The following ATP9B variants were observed in gnomAD, a reference collection of about 807,000 sequenced individuals.
The protein encoded by ATP9B is probable phospholipid-transporting ATPase IIB.
Under a neutral mutation model 146.1 loss-of-function variants are expected in ATP9B, and 110 were observed. The ratio of observed to expected loss-of-function variants is 0.75; its 90% CI spans 0.65 to 0.88. The LOEUF (loss-of-function observed/expected upper bound fraction) is 0.88, where lower values mean the gene tolerates loss of function less well. Among genes scored for constraint, ATP9B ranks in the 40% least tolerant of loss-of-function variants. ATP9B has a pLI of 0.00. For missense variants in ATP9B, 1,499 were observed against 1,496.4 expected (o/e 1.00, Z -0.03); for synonymous variants, 604 against 569.7 (o/e 1.06, Z -0.86).
chr18:79,285,522 T>G (rs1267074176), intron 13 of ATP9B, among the ~76,000 whole-genome samples: 3 of 152,164 alleles, frequency 2.0e-5, no homozygotes, highest in African/African-American at 7.2e-5. Context: ...TATTAGCCCT[T>G]TGTCAGATGA....
rs557392991 is a variant in ATP9B, at chr18:79,374,271, C to T, written c.3274+170C>T. ...CACCACGGATGAAGGCGCTGAGCCC[C>T]GTCGGTCACTGGCTGGCCGGTCCCC... On this transcript the variant is annotated intron_variant, in intron 28 of 29. Transcript: ENST00000426216. The T allele has an allele frequency of 2.9e-4, 215 of 747,448 alleles. 1 individual carries two copies. The highest frequency in any genetic ancestry group is 7.7e-4 in the Middle Eastern group (2 of 2,586). The allele number at this position is 747,448 out of a possible 1,614,324, so 46.3% of individuals were successfully genotyped here.
chr18:79,181,933 T>C (rs905280434), intron 8 of ATP9B, among the ~76,000 whole-genome samples: 7 of 152,198 alleles, frequency 4.6e-5, no homozygotes, highest in African/African-American at 1.2e-4. Flanking sequence ...GGCCCATACT[T>C]TCCTGCTTCT....
At chr18:79,332,253 C>T (rs1251208357) in intron 17 of ATP9B, among the ~76,000 whole-genome samples, 2 of 151,842 alleles carry the variant, frequency 1.3e-5, no homozygotes, top group East Asian at 1.9e-4. Flanking sequence ...CACGGTGAAA[C>T]CCCATCTCTA....
At chr18:79,176,954 T>A in intron 8 of ATP9B, 47 bp downstream of exon 8, 1 of 1,498,568 alleles carries the variant, frequency 6.7e-7, no homozygotes, top group Non-Finnish European at 9.2e-7. Flanking sequence ...CAATGGTAGT[T>A]TCTAGGCTTC....
intron 13 of ATP9B, among the ~76,000 whole-genome samples, chr18:79,302,875 T>G (rs1225150163): frequency 6.6e-6 from 1 of 152,216 alleles, no homozygotes; most frequent in Non-Finnish European, 1.5e-5. Context: ...TTTTAAAAAA[T>G]TAATGGACAC....
intron 2 of ATP9B, among the ~76,000 whole-genome samples, chr18:79,100,334 T>C (rs1380176284): frequency 6.6e-6 from 1 of 152,238 alleles, no homozygotes; most frequent in Middle Eastern, 3.2e-3. Context: ...TTTGCTTGTT[T>C]GTCAGTTACT....
At chr18:79,260,915 T>G (rs774882260) in intron 12 of ATP9B, among the ~76,000 whole-genome samples, 10 of 152,238 alleles carry the variant, frequency 6.6e-5, no homozygotes, top group Non-Finnish European at 1.3e-4. Context: ...TCCTTCCAGT[T>G]TCTCCCATTT....
At chr18:79,377,157 C>T (rs1165527379) in intron 29 of ATP9B, 90 bp from the exon 30 acceptor site, 2 of 1,494,076 alleles carry the variant, frequency 1.3e-6, no homozygotes, top group Admixed American at 3.4e-5. Flanking sequence ...CTTAGACCGT[C>T]TGGTGGCCTG....
At chr18:79,327,659 TTTAGCGTGCTCTCCGTGG>T (rs1555849992) in intron 15 of ATP9B, among the ~76,000 whole-genome samples, 4 of 106,004 alleles carry the variant, frequency 3.8e-5, no homozygotes, top group African/African-American at 1.5e-4. Flanking sequence ...GCTCTCCGTG[TTTAGCGTGCTCTCCGTGG>T]TTAGCGTGCT....
rs116591997 is a variant in ATP9B at position 79,276,493 on chromosome 18, T to C, written c.1269-561T>C. 6.5e-3 allele frequency among the ~76,000 whole-genome samples: 996 copies of C among 152,364 alleles called. 4 individuals are homozygous for C. Among genetic ancestry groups the C allele is most frequent in the African/African-American group, 0.022 (931 of 41,584 alleles). On this transcript the variant is annotated intron_variant, in intron 12 of 29. Transcript: ENST00000426216. ...CTCCTGAAACACGGGAAATATCCCATTGGTCATGGTAAAACAAGTGGATAA... is the reference window on the plus strand; with the variant it reads ...CTCCTGAAACACGGGAAATATCCCACTGGTCATGGTAAAACAAGTGGATAA...
chr18:79,202,064 T>C (rs1444060419), intron 9 of ATP9B, among the ~76,000 whole-genome samples: 3 of 151,996 alleles, frequency 2.0e-5, no homozygotes, highest in Non-Finnish European at 4.4e-5. Context: ...TCCTAAAATA[T>C]ATATATATAC....
intron 7 of ATP9B, chr18:79,173,668 G>C: frequency 2.2e-6 from 1 of 455,038 alleles, no homozygotes; most frequent in South Asian, 1.6e-5. Context: ...TCTTTATTTT[G>C]TTCCATTGAT....
chr18:79,096,696 TATAAG>T, intron 2 of ATP9B, 47 bp downstream of exon 2: 1 of 1,473,116 alleles, frequency 6.8e-7, no homozygotes, highest in Non-Finnish European at 9.2e-7. Flanking sequence ...TAAGGTTACT[TATAAG>T]GTTAGCTTCT....
At chr18:79,282,258 AAGCTAAGTTG>A (rs1489775386) in intron 13 of ATP9B, among the ~76,000 whole-genome samples, 1 of 152,352 alleles carries the variant, frequency 6.6e-6, no homozygotes, top group East Asian at 1.9e-4. Context: ...AAGATTCCAT[AAGCTAAGTTG>A]ATAAAGCAGG....
In ATP9B at chr18:79,126,387, G is replaced by A. The variant is rs1402892381; in HGVS notation, c.667+12G>A. ...GCTTACAGTAAGAGGTCAGCAAGAT[G>A]CTTTAATCCTGCTTAGCGTTTGCTT... On this transcript the variant is annotated intron_variant, in intron 5 of 29. Transcript: ENST00000426216. 2.6e-6 allele frequency: 4 copies of A among 1,561,730 alleles called. No individual in the cohort carries two copies. Among genetic ancestry groups the A allele is most frequent in the African/African-American group, 1.4e-5 (1 of 73,962 alleles).
intron 11 of ATP9B, among the ~76,000 whole-genome samples, chr18:79,236,704 C>T (rs561391904): frequency 1.1e-4 from 17 of 152,116 alleles, no homozygotes; most frequent in Admixed American, 2.0e-4. Context: ...ACTGTGTGCA[C>T]GGTCTGTGCA....
At chr18:79,115,324 T>C (rs1468730536) in intron 4 of ATP9B, 1 of 124,434 alleles carries the variant, frequency 8.0e-6, no homozygotes, top group Non-Finnish European at 1.6e-5. Flanking sequence ...AGAATCAATA[T>C]CGTGAAAATG....
At chr18:79,091,751 T>G (rs919524387) in intron 1 of ATP9B, among the ~76,000 whole-genome samples, 1 of 152,222 alleles carries the variant, frequency 6.6e-6, no homozygotes. Context: ...CCTTTCCAAT[T>G]TGGATTCCCC....
chr18:79,193,842 G>A (rs2095392953), intron 9 of ATP9B, among the ~76,000 whole-genome samples: 1 of 152,196 alleles, frequency 6.6e-6, no homozygotes, highest in South Asian at 2.1e-4. Context: ...TAGGTTATTT[G>A]TAATTGCTGC....
Sources: gnomAD v4.1 joint callset for allele counts (sites outside exome capture counted in the v4.1 genomes callset) on GRCh38, gnomAD v4.1.1 for gene constraint, MANE v1.5 for transcripts, NCBI Gene and HGNC (gene_info 2026-07-23, HGNC 2026-07-21) for gene names.